The following TENM3 variants were observed in gnomAD, a reference collection of about 807,000 sequenced individuals.
The protein encoded by TENM3 is teneurin transmembrane protein 3, also known as teneurin-3.
In TENM3, 63 loss-of-function variants were observed where a neutral mutation model predicts 255.1. The ratio of observed to expected loss-of-function variants is 0.25; its 90% confidence interval spans 0.20 to 0.30. TENM3 has a LOEUF of 0.30. Among genes scored for constraint, TENM3 ranks in the 10% least tolerant of loss-of-function variants. The pLI is 1.00. For synonymous variants in TENM3, 1,306 were observed against 1,322.3 expected, an observed-to-expected ratio of 0.99 and a Z score of 0.27; for missense variants, 2,929 against 3,461.1, an observed-to-expected ratio of 0.85 and a Z score of 3.86.
chr4:182,097,035 G>T, the TENM3 span, among the ~76,000 whole-genome samples: 2 of 152,102 alleles, frequency 1.3e-5, no homozygotes, highest in Non-Finnish European at 2.9e-5. Context: ...TCAAAGTGAG[G>T]GTTATAGTTA....
At chr4:181,586,701 G>A in the TENM3 span, among the ~76,000 whole-genome samples, 20 of 152,190 alleles carry the variant, frequency 1.3e-4, no homozygotes, top group East Asian at 3.9e-4. Flanking sequence ...TTAGCCAGGC[G>A]TGGTGGCACA....
the TENM3 span, among the ~76,000 whole-genome samples, chr4:181,866,573 A>C: frequency 6.6e-6 from 1 of 152,176 alleles, no homozygotes; most frequent in East Asian, 1.9e-4. Flanking sequence ...TCACTGCGTG[A>C]TGTTCAAGAG....
chr4:181,775,397 G>A, the TENM3 span, among the ~76,000 whole-genome samples: 5 of 152,080 alleles, frequency 3.3e-5, no homozygotes, highest in African/African-American at 7.2e-5. Flanking sequence ...TTGTATCTAC[G>A]CAGAGGATTA....
the TENM3 span, among the ~76,000 whole-genome samples, chr4:181,737,576 A>G: frequency 6.6e-6 from 1 of 152,260 alleles, no homozygotes; most frequent in South Asian, 2.1e-4. Flanking sequence ...GAGGCACATC[A>G]TGAGGTTTTT....
At chr4:181,790,441 A>G in the TENM3 span, among the ~76,000 whole-genome samples, 1 of 152,186 alleles carries the variant, frequency 6.6e-6, no homozygotes, top group African/African-American at 2.4e-5. Flanking sequence ...ACAACAATTA[A>G]TTGCACTGTG....
the TENM3 span, among the ~76,000 whole-genome samples, chr4:181,614,486 C>A: frequency 6.6e-6 from 1 of 152,122 alleles, no homozygotes; most frequent in Non-Finnish European, 1.5e-5. Flanking sequence ...TAGATGAGAC[C>A]CAAGAACCTG....
the TENM3 span, among the ~76,000 whole-genome samples, chr4:181,633,602 GTC>G: frequency 6.6e-6 from 1 of 152,172 alleles, no homozygotes; most frequent in Admixed American, 6.5e-5. Flanking sequence ...TCTAAAAGAT[GTC>G]TCTTCATCTG....
At chr4:182,559,027 G>C (rs915922399) in intron 3 of TENM3, among the ~76,000 whole-genome samples, 1 of 152,008 alleles carries the variant, frequency 6.6e-6, no homozygotes. Context: ...CAGGGTGTCA[G>C]CTGTGACCAC....
intron 2 of TENM3, among the ~76,000 whole-genome samples, chr4:182,326,978 C>G (rs77373989): frequency 1.3e-5 from 2 of 152,082 alleles, no homozygotes; most frequent in Admixed American, 1.3e-4. Flanking sequence ...GGTGGCGTTG[C>G]GGATGCTTTC....
At chr4:181,623,689 C>T in the TENM3 span, among the ~76,000 whole-genome samples, 36 of 152,170 alleles carry the variant, frequency 2.4e-4, no homozygotes, top group African/African-American at 8.0e-4. Context: ...TATAGGCTTT[C>T]TTATGCTTCG....
the TENM3 span, among the ~76,000 whole-genome samples, chr4:182,066,266 C>A: frequency 6.6e-6 from 1 of 151,884 alleles, no homozygotes; most frequent in Non-Finnish European, 1.5e-5. Flanking sequence ...TTTTTTTATG[C>A]GCTTGTTGAC....
the TENM3 span, among the ~76,000 whole-genome samples, chr4:181,982,006 G>A: frequency 6.6e-6 from 1 of 152,108 alleles, no homozygotes; most frequent in Non-Finnish European, 1.5e-5. Flanking sequence ...TTTGCCTGGG[G>A]AGTGAATCAC....
chr4:181,970,942 CT>C, the TENM3 span, among the ~76,000 whole-genome samples: 1 of 151,996 alleles, frequency 6.6e-6, no homozygotes, highest in African/African-American at 2.4e-5. Flanking sequence ...CCAATATTGG[CT>C]GGTTTATTTT....
At chr4:181,868,521 G>C in the TENM3 span, among the ~76,000 whole-genome samples, 1 of 152,086 alleles carries the variant, frequency 6.6e-6, no homozygotes. Context: ...TGTTTTAATC[G>C]AGGGTCGCTA....
At chr4:181,785,066 G>C in the TENM3 span, among the ~76,000 whole-genome samples, 3 of 152,146 alleles carry the variant, frequency 2.0e-5, no homozygotes, top group African/African-American at 7.2e-5. Context: ...TAAGTGCTGA[G>C]TGACAAGAGC....
intron 1 of TENM3, among the ~76,000 whole-genome samples, chr4:182,205,531 G>A (rs553345244): frequency 3.9e-5 from 6 of 152,262 alleles, no homozygotes; most frequent in East Asian, 1.9e-4. Context: ...GCAGTGGAGC[G>A]TTGCTATGAC....
At chr4:182,722,954 A>G (rs1020155623) in intron 13 of TENM3, among the ~76,000 whole-genome samples, 12 of 152,362 alleles carry the variant, frequency 7.9e-5, no homozygotes, top group African/African-American at 2.2e-4. Context: ...TCAGGTTTCT[A>G]TGAGAAGCTG....
At chr4:181,537,150 A>C in the TENM3 span, among the ~76,000 whole-genome samples, 1 of 152,180 alleles carries the variant, frequency 6.6e-6, no homozygotes, top group Non-Finnish European at 1.5e-5. Context: ...ACCTTTTCCG[A>C]AATACTGAGG....
At chr4:182,342,258 G>A (rs1458864526) in intron 2 of TENM3, among the ~76,000 whole-genome samples, 1 of 152,174 alleles carries the variant, frequency 6.6e-6, no homozygotes, top group East Asian at 1.9e-4. Context: ...ACTGATGAAT[G>A]GATAAATGAT....
Sources: gnomAD v4.1 joint callset for allele counts (sites outside exome capture counted in the v4.1 genomes callset) on GRCh38, gnomAD v4.1.1 for gene constraint, MANE v1.5 for transcripts, NCBI Gene and HGNC (gene_info 2026-07-23, HGNC 2026-07-21) for gene names.